The following RAB31 variants were observed in gnomAD, a reference collection of about 807,000 sequenced individuals.
The protein encoded by RAB31 is ras-related protein Rab-31.
In RAB31, 21 loss-of-function variants were observed where a neutral mutation model predicts 25.6. The ratio of observed to expected loss-of-function variants is 0.82; its 90% CI spans 0.58 to 1.18. RAB31 has a LOEUF of 1.18. RAB31 is among the 50% of genes most tolerant of loss of function. RAB31 has a pLI of 0.00. For synonymous variants in RAB31, 87 were observed against 84.0 expected (o/e 1.04, Z -0.20); for missense variants, 196 against 250.1 (o/e 0.78, Z 1.46).
chr18:9,794,407 C>G (rs1020432929), intron 3 of RAB31, among the ~76,000 whole-genome samples: 3 of 152,092 alleles, frequency 2.0e-5, no homozygotes, highest in African/African-American at 7.2e-5. Context: ...GACATAGACA[C>G]AAACAAATGG....
At chr18:9,823,306 C>A (rs2068632848) in intron 5 of RAB31, among the ~76,000 whole-genome samples, 1 of 151,688 alleles carries the variant, frequency 6.6e-6, no homozygotes, top group African/African-American at 2.4e-5. Context: ...ACATAAGGGA[C>A]CCTGTGGTGT....
chr18:9,812,458 T>C (rs919128391), intron 3 of RAB31, among the ~76,000 whole-genome samples: 3 of 152,132 alleles, frequency 2.0e-5, no homozygotes, highest in Non-Finnish European at 4.4e-5. Context: ...TATGTGTGCC[T>C]CCCTTCCCAA....
At chr18:9,847,047 A>C (rs2068765682) in intron 6 of RAB31, among the ~76,000 whole-genome samples, 1 of 152,076 alleles carries the variant, frequency 6.6e-6, no homozygotes, top group Non-Finnish European at 1.5e-5. Flanking sequence ...CTGGGGCTGG[A>C]ATTTCATGTG....
chr18:9,785,894 C>G (rs2068429479), intron 2 of RAB31, among the ~76,000 whole-genome samples: 2 of 152,152 alleles, frequency 1.3e-5, no homozygotes. Context: ...AACCCCTTCT[C>G]TACTAAAATT....
At chr18:9,845,549 T>C in intron 5 of RAB31, 33 bp from the exon 6 acceptor site, 1 of 1,492,972 alleles carries the variant, frequency 6.7e-7, no homozygotes, top group Non-Finnish European at 8.9e-7. Context: ...AAACAAACAT[T>C]CATTTCCTGT....
intron 1 of RAB31, among the ~76,000 whole-genome samples, chr18:9,756,173 A>T (rs1036382594): frequency 1.3e-5 from 2 of 152,092 alleles, no homozygotes; most frequent in African/African-American, 4.8e-5. Context: ...CAAACTCTGT[A>T]CTCCCTCCCT....
chr18:9,734,645 C>G (rs187834866), intron 1 of RAB31, among the ~76,000 whole-genome samples: 6 of 152,046 alleles, frequency 3.9e-5, no homozygotes, highest in African/African-American at 1.4e-4. Context: ...AAGCGGGGCC[C>G]GAGGAGCCAC....
At chr18:9,804,371 T>C (rs2068529225) in intron 3 of RAB31, among the ~76,000 whole-genome samples, 1 of 152,146 alleles carries the variant, frequency 6.6e-6, no homozygotes, top group South Asian at 2.1e-4. Context: ...TAGCTTCTAA[T>C]TATGAGGCAC....
intron 3 of RAB31, among the ~76,000 whole-genome samples, chr18:9,810,720 ACT>A (rs2068566019): frequency 6.6e-6 from 1 of 151,928 alleles, no homozygotes; most frequent in African/African-American, 2.4e-5. Context: ...CCTAAAGTGA[ACT>A]CTCTCTGTCT....
At chr18:9,729,154 A>C (rs2068109624) in intron 1 of RAB31, among the ~76,000 whole-genome samples, 1 of 152,132 alleles carries the variant, frequency 6.6e-6, no homozygotes, top group Admixed American at 6.5e-5. Context: ...GATATTTAGA[A>C]ATCTTCATTT....
chr18:9,730,041 T>C (rs2068114884), intron 1 of RAB31, among the ~76,000 whole-genome samples: 2 of 152,200 alleles, frequency 1.3e-5, no homozygotes, highest in Non-Finnish European at 2.9e-5. Context: ...AAAATGATCG[T>C]ACATAAAATA....
chr18:9,718,607 A>C (rs1472562284), intron 1 of RAB31, among the ~76,000 whole-genome samples: 1 of 152,236 alleles, frequency 6.6e-6, no homozygotes, highest in Non-Finnish European at 1.5e-5. Context: ...AATTTTTTAA[A>C]TTATCAAGTA....
At chr18:9,832,017 G>A (rs543438573) in intron 5 of RAB31, among the ~76,000 whole-genome samples, 2 of 152,320 alleles carry the variant, frequency 1.3e-5, no homozygotes, top group East Asian at 3.9e-4. Flanking sequence ...CCCTGTGGAC[G>A]GCAGTGCTAG....
intron 2 of RAB31, among the ~76,000 whole-genome samples, chr18:9,776,266 T>G (rs1003904738): frequency 3.0e-4 from 46 of 152,240 alleles, no homozygotes; most frequent in Non-Finnish European, 5.9e-5. Flanking sequence ...AAGTGCCTGC[T>G]TTTTCATTCT....
intron 1 of RAB31, among the ~76,000 whole-genome samples, chr18:9,741,902 G>A (rs1205718831): frequency 6.6e-6 from 1 of 152,206 alleles, no homozygotes; most frequent in Non-Finnish European, 1.5e-5. Context: ...TGGTGTGGCA[G>A]GGTCCCCAGG....
intron 5 of RAB31, among the ~76,000 whole-genome samples, chr18:9,840,566 C>T (rs10513879): frequency 0.083 from 12,660 of 152,130 alleles, 1,230 homozygotes; most frequent in African/African-American, 0.23. Context: ...TTCTCACCTT[C>T]GCAAAACTCT....
intron 1 of RAB31, among the ~76,000 whole-genome samples, chr18:9,744,023 C>T (rs2068193197): frequency 6.6e-6 from 1 of 152,218 alleles, no homozygotes; most frequent in South Asian, 2.1e-4. Context: ...ATTAATCTTT[C>T]CTCATTTTAG....
At chr18:9,788,189 A>T (rs2068443069) in intron 2 of RAB31, among the ~76,000 whole-genome samples, 1 of 152,252 alleles carries the variant, frequency 6.6e-6, no homozygotes. Context: ...CAAACAACTC[A>T]ACAGCAAAGA....
intron 1 of RAB31, among the ~76,000 whole-genome samples, chr18:9,731,079 A>G (rs1353848657): frequency 6.6e-6 from 1 of 152,170 alleles, no homozygotes. Flanking sequence ...TCTTAACAGC[A>G]TATCTGCTGT....
Sources: gnomAD v4.1 joint callset for allele counts (sites outside exome capture counted in the v4.1 genomes callset) on GRCh38, gnomAD v4.1.1 for gene constraint, MANE v1.5 for transcripts, NCBI Gene and HGNC (gene_info 2026-07-23, HGNC 2026-07-21) for gene names.